The following ST13 variants were observed in gnomAD, a reference collection of about 807,000 sequenced individuals.
ST13 encodes the protein hsc70-interacting protein.
Under a neutral mutation model 56.7 loss-of-function variants are expected in ST13, and 23 were observed. That is an observed-to-expected ratio of 0.41 (90% confidence interval 0.29 to 0.57). The LOEUF (loss-of-function observed/expected upper bound fraction) is 0.57. Among genes scored for constraint, ST13 ranks in the 20% least tolerant of loss-of-function variants. The probability of loss-of-function intolerance (pLI) is 0.36; values close to 1 mark genes in which losing one functional copy is unlikely to be tolerated. For missense variants in ST13, 369 were observed against 459.9 expected (o/e 0.80, Z 1.81); for synonymous variants, 132 against 142.4 (o/e 0.93, Z 0.52).
intron 7 of ST13, 60 bp from the exon 8 acceptor site, chr22:40,832,731 A>G (rs563278593): frequency 6.0e-5 from 76 of 1,257,844 alleles, no homozygotes; most frequent in African/African-American, 5.0e-4. Context: ...ATGTGGCATG[A>G]TATCTTTCTT....
At chr22:40,833,775 G>C (rs1416580279) in intron 7 of ST13, among the ~76,000 whole-genome samples, 1 of 151,804 alleles carries the variant, frequency 6.6e-6, no homozygotes, top group African/African-American at 2.4e-5. Context: ...GGAGGCTGAG[G>C]CAGGAGAACC....
At chr22:40,836,312 G>T (rs1357526020) in intron 5 of ST13, among the ~76,000 whole-genome samples, 1 of 152,180 alleles carries the variant, frequency 6.6e-6, no homozygotes, top group Admixed American at 6.5e-5. Flanking sequence ...TTAGCTGGGC[G>T]TGGGGGCGGA....
intron 4 of ST13, among the ~76,000 whole-genome samples, chr22:40,842,004 A>T (rs1569002521): frequency 6.6e-6 from 1 of 152,238 alleles, no homozygotes; most frequent in Non-Finnish European, 1.5e-5. Flanking sequence ...GCAACTCCAA[A>T]TGCTAATACC....
intron 9 of ST13, among the ~76,000 whole-genome samples, chr22:40,830,159 G>T (rs1022023564): frequency 6.6e-6 from 1 of 152,132 alleles, no homozygotes; most frequent in Non-Finnish European, 1.5e-5. Context: ...TTATTGAGGA[G>T]ATATATTGCT....
intron 10 of ST13, among the ~76,000 whole-genome samples, 171 bp from the exon 11 acceptor site, chr22:40,827,400 T>C (rs1303039386): frequency 6.6e-6 from 1 of 152,250 alleles, no homozygotes; most frequent in African/African-American, 2.4e-5. Flanking sequence ...TAGCTTCTAA[T>C]TATCTCTTTA....
intron 8 of ST13, among the ~76,000 whole-genome samples, 186 bp downstream of exon 8, chr22:40,832,383 G>A (rs181697633): frequency 6.6e-6 from 1 of 152,178 alleles, no homozygotes; most frequent in Non-Finnish European, 1.5e-5. Flanking sequence ...TAATGCATGA[G>A]AAATGAAAGC....
At chr22:40,854,508 ATAG>A (rs1349038611) in intron 1 of ST13, 1 of 152,208 alleles carries the variant, frequency 6.6e-6, no homozygotes, top group East Asian at 1.9e-4. Flanking sequence ...TGTTTGGGAG[ATAG>A]TAGTGCCTGA....
chr22:40,849,330 T>C (rs763761704), intron 2 of ST13, among the ~76,000 whole-genome samples: 2 of 151,658 alleles, frequency 1.3e-5, no homozygotes, highest in Non-Finnish European at 2.9e-5. Context: ...ACAAAAAAAT[T>C]AGCCGGACGT....
intron 11 of ST13, 139 bp from the exon 12 acceptor site, chr22:40,826,805 AT>A: frequency 9.7e-7 from 1 of 1,027,816 alleles, no homozygotes; most frequent in South Asian, 1.7e-5. Flanking sequence ...TGCTTGAAGT[AT>A]CAAAATCAAG....
At position 40,825,011 on chromosome 22, in the gene ST13, A is replaced by G. The variant is rs1463245150; in HGVS notation, c.*1527T>C. Reference sequence around the variant, plus strand: ...ATTCTTCAAATAAGCAAAGTACAGAAGGCCTTATCCCTTGAAAATGTTTTT... The same window carrying G: ...ATTCTTCAAATAAGCAAAGTACAGAGGGCCTTATCCCTTGAAAATGTTTTT... On this transcript the variant is annotated 3_prime_UTR_variant, in exon 12 of 12. Transcript: ENST00000216218. The G allele has an allele frequency of 6.6e-6, 1 of 152,196 alleles. No homozygotes were observed. Among genetic ancestry groups the G allele is most frequent in the Non-Finnish European group, 1.5e-5 (1 of 68,026 alleles). The allele number at this position is 152,196 out of a possible 1,614,324, so 9.4% of individuals were successfully genotyped here. A position where few individuals can be genotyped will look rare whatever the true frequency, so the allele number is the denominator to read the frequency against.
rs2057772449 is a variant in ST13 at position 40,835,400 on chromosome 22, A to C, written c.578+160T>G. The C allele has an allele frequency of 5.9e-6, 3 of 511,666 alleles. No homozygotes were observed. The African/African-American group carries it at 5.9e-5, about 10-fold the overall frequency. The allele number at this position is 511,666 out of a possible 1,614,324, so 31.7% of individuals were successfully genotyped here. The stretch of plus-strand genomic sequence containing the variant: ...TTCTTTTTTTTTTCTTTTACCTTTT[A>C]AGCAGCTGTCTACAAGCTATCTCAC... On this transcript the variant is annotated intron_variant, in intron 7 of 11. Transcript: ENST00000216218.
At chr22:40,848,044 T>C (rs1315868271) in intron 3 of ST13, among the ~76,000 whole-genome samples, 2 of 151,764 alleles carry the variant, frequency 1.3e-5, no homozygotes, top group Non-Finnish European at 2.9e-5. Context: ...CACGACTCCA[T>C]CTCAAAAAGA....
At chr22:40,855,022 C>G (rs2057882054) in intron 1 of ST13, among the ~76,000 whole-genome samples, 1 of 152,100 alleles carries the variant, frequency 6.6e-6, no homozygotes, top group South Asian at 2.1e-4. Context: ...TGGTGGGGAG[C>G]TAAAAATTGA....
intron 10 of ST13, among the ~76,000 whole-genome samples, chr22:40,828,579 C>A (rs1231881830): frequency 6.6e-6 from 1 of 151,634 alleles, no homozygotes; most frequent in Non-Finnish European, 1.5e-5. Context: ...CGCCACTGCA[C>A]TCCAGCCTGG....
Position 40,830,927 on chromosome 22 carries a change from C to T in ST13, c.711G>A (p.Lys237=), listed in dbSNP as rs1278444360. The change falls in exon 9 of 12, where the codon AAG becomes AAA. Residue 237 remains lysine, a synonymous_variant. Transcript: ENST00000216218. ...RAQKIAEHRR[K]YERKREEREI... is the part of the protein sequence containing the mutation. ...CTCGCTCTTCACGTTTTCGCTCATA[C>T]TTTCTCCGATGTTCTGCAATTTTCT... 3 of 1,602,000 alleles carry T rather than the reference C, an allele frequency of 1.9e-6. No individual in the cohort carries two copies. Among genetic ancestry groups the T allele is most frequent in the East Asian group, 2.2e-5 (1 of 44,870 alleles).
chr22:40,853,270 G>A (rs779535206), intron 1 of ST13, among the ~76,000 whole-genome samples: 3 of 152,034 alleles, frequency 2.0e-5, no homozygotes, highest in Non-Finnish European at 4.4e-5. Context: ...AATGTTGGCA[G>A]CTTACTCTCA....
chr22:40,832,031 C>T (rs1013444416), intron 8 of ST13: 16 of 347,150 alleles, frequency 4.6e-5, no homozygotes, highest in African/African-American at 3.2e-4. Flanking sequence ...ACTTTTTGTA[C>T]TTTTAGTAGA....
chr22:40,851,824 C>CA (rs1226485628), intron 1 of ST13, among the ~76,000 whole-genome samples: 1 of 151,568 alleles, frequency 6.6e-6, no homozygotes, highest in East Asian at 1.9e-4. Context: ...TGGCTCACTG[C>CA]AACCTCCACC....
Position 40,827,147 on chromosome 22 carries a change from C to T in ST13, c.930G>A (p.Met310Ile). The change falls in exon 11 of 12, where the codon ATG becomes ATA. Residue 310 changes from methionine to isoleucine, a missense_variant. Around this residue, in one of 3 missense-constraint regions of ST13, gnomAD observed 136 missense variants for 159.2 expected, o/e 0.85. Transcript: ENST00000216218. ...MGGGMPGMAG[M>I]PGLNEILSDP... ...CACTAAGAATTTCATTGAGTCCAGG[C>T]ATTCCAGCCATTCCAGGCATGCCCC... is the stretch of plus-strand genomic sequence containing the variant. 3 of 1,612,298 alleles carry T rather than the reference C, an allele frequency of 1.9e-6. No homozygotes were observed. Among genetic ancestry groups the T allele is most frequent in the Non-Finnish European group, 1.7e-6 (2 of 1,179,992 alleles).
Sources: allele counts gnomAD v4.1 joint callset (sites outside exome capture counted in the v4.1 genomes callset), GRCh38; gene constraint gnomAD v4.1.1; regional missense constraint gnomAD v4.1.1; transcripts MANE v1.5; gene names NCBI Gene and HGNC (gene_info 2026-07-23, HGNC 2026-07-21).